Variants in SLC7A7 observed in about 807,000 individuals in gnomAD.
SLC7A7 encodes Y+L amino acid transporter 1.
A neutral mutation model predicts 47.9 loss-of-function variants in SLC7A7; 39 were observed. The ratio of observed to expected loss-of-function variants is 0.81; its 90% CI spans 0.63 to 1.06. The LOEUF (loss-of-function observed/expected upper bound fraction) is 1.06, where lower values mean the gene tolerates loss of function less well. Among genes scored for constraint, SLC7A7 ranks in the 50% least tolerant of loss-of-function variants. The pLI is 0.00. For missense variants in SLC7A7, 588 were observed against 632.0 expected (o/e 0.93, Z 0.75); for synonymous variants, 234 against 242.8 (o/e 0.96, Z 0.34).
chr14:22,784,487 GTGT>G (rs1566446410), intron 2 of SLC7A7, among the ~76,000 whole-genome samples: 1 of 152,082 alleles, frequency 6.6e-6, no homozygotes, highest in African/African-American at 2.4e-5. Flanking sequence ...GCATGGTGGT[GTGT>G]GCCTGTAGTC....
chr14:22,780,258 G>A (rs2038696135), intron 2 of SLC7A7: 1 of 556,212 alleles, frequency 1.8e-6, no homozygotes, highest in Non-Finnish European at 3.2e-6. Flanking sequence ...CCCACCCCCA[G>A]CACCTTATAT....
intron 2 of SLC7A7, among the ~76,000 whole-genome samples, chr14:22,794,484 T>A (rs778285283): frequency 2.0e-5 from 3 of 152,166 alleles, no homozygotes; most frequent in Non-Finnish European, 4.4e-5. Flanking sequence ...TTGGTTTGCT[T>A]AGCTAGGGGT....
chr14:22,777,668 C>T (rs569011399), intron 4 of SLC7A7, among the ~76,000 whole-genome samples: 73 of 152,350 alleles, frequency 4.8e-4, no homozygotes, highest in Middle Eastern at 3.4e-3. Flanking sequence ...GATCCTGCTT[C>T]TGTTATCTCT....
chr14:22,793,196 C>T (rs1432344804), intron 2 of SLC7A7, among the ~76,000 whole-genome samples: 1 of 151,992 alleles, frequency 6.6e-6, no homozygotes, highest in African/African-American at 2.4e-5. Flanking sequence ...GGATTACAGG[C>T]GTAAACCACC....
intron 2 of SLC7A7, among the ~76,000 whole-genome samples, chr14:22,785,901 A>G (rs1240497321): frequency 6.6e-6 from 1 of 151,748 alleles, no homozygotes; most frequent in African/African-American, 2.4e-5. Flanking sequence ...AGGCGCCTAT[A>G]GTCCCAGACA....
rs2039223656 is a variant in SLC7A7 at position 22,806,999 on chromosome 14, G to C, written c.499+5901C>G. Among the ~76,000 whole-genome samples, 6 of 148,238 alleles carry C rather than the reference G, an allele frequency of 4.0e-5. No homozygotes were observed. The South Asian group carries it at 1.3e-3, about 31-fold the overall frequency. ...TGCAAGCTCCGCTTCCCGGGTTCAT[G>C]CCATTCTCCTGCCTCAGCCTCCCAA... On this transcript the variant is annotated intron_variant, in intron 2 of 9. Coordinates refer to ENST00000674313, the MANE Select transcript of SLC7A7 (RefSeq NM_003982.4).
upstream of SLC7A7, chr14:22,816,054 CAA>C: frequency 5.2e-6 from 1 of 192,662 alleles, no homozygotes; most frequent in South Asian, 9.4e-5. Flanking sequence ...GAAACACAGT[CAA>C]GAGATCAAAT....
At chr14:22,818,696 G>A (rs1339778964), upstream of SLC7A7, among the ~76,000 whole-genome samples, 6 of 149,152 alleles carry the variant, frequency 4.0e-5, no homozygotes, top group African/African-American at 1.2e-4. Context: ...TCTGCCTCCC[G>A]GGTTCTCCTG....
At chr14:22,784,432 A>G (rs1277314041) in intron 2 of SLC7A7, among the ~76,000 whole-genome samples, 2 of 152,154 alleles carry the variant, frequency 1.3e-5, no homozygotes, top group Non-Finnish European at 2.9e-5. Flanking sequence ...ATCCTGGCCA[A>G]CATGGTGAAA....
At chr14:22,805,566 G>C (rs1174660531) in intron 2 of SLC7A7, among the ~76,000 whole-genome samples, 6 of 152,142 alleles carry the variant, frequency 3.9e-5, no homozygotes, top group South Asian at 4.1e-4. Flanking sequence ...TGAACGGTGA[G>C]AACACATAGA....
chr14:22,796,445 T>G (rs1299960819), intron 2 of SLC7A7, among the ~76,000 whole-genome samples: 1 of 152,176 alleles, frequency 6.6e-6, no homozygotes, highest in African/African-American at 2.4e-5. Context: ...CTCAGCCAAG[T>G]TGAACCTGGA....
At chr14:22,808,274 T>C (rs1313209658) in intron 2 of SLC7A7, among the ~76,000 whole-genome samples, 1 of 152,230 alleles carries the variant, frequency 6.6e-6, no homozygotes, top group Non-Finnish European at 1.5e-5. Flanking sequence ...TTCTGGACTA[T>C]AAATTATTGA....
intron 2 of SLC7A7, among the ~76,000 whole-genome samples, chr14:22,793,746 G>A (rs932826527): frequency 6.6e-6 from 1 of 152,056 alleles, no homozygotes; most frequent in Non-Finnish European, 1.5e-5. Flanking sequence ...AACTCGGGAG[G>A]TGGAGGTGGC....
At position 22,795,404 on chromosome 14, in the gene SLC7A7, TTCTTTCTTTC is replaced by T. The variant is rs1185127837; in HGVS notation, c.500-15363_500-15354del. On this transcript the variant is annotated intron_variant, in intron 2 of 9. Coordinates refer to ENST00000674313, the MANE Select transcript of SLC7A7 (RefSeq NM_003982.4). ...TTGCTTGCTTTCTTTCTTTCTTTCT[TTCTTTCTTTC>T]TTTCTTTCTTTCTTTCTTTCTTTCT... Among the ~76,000 whole-genome samples the T allele has an allele frequency of 3.5e-3, 338 of 96,476 alleles. 7 individuals carry two copies. Among genetic ancestry groups the T allele is most frequent in the African/African-American group, 0.017 (320 of 18,842 alleles). The allele number at this position is 96,476 out of a possible 152,430, so 63.3% of individuals were successfully genotyped here.
chr14:22,817,339 AT>A, upstream of SLC7A7: 1 of 215,182 alleles, frequency 4.6e-6, no homozygotes, highest in South Asian at 5.4e-5. Context: ...ATTTTATTTT[AT>A]TTTATTTTAT....
chr14:22,776,664 C>A (rs1002182940), intron 4 of SLC7A7, among the ~76,000 whole-genome samples: 44 of 151,620 alleles, frequency 2.9e-4, no homozygotes, highest in Admixed American at 2.6e-4. Context: ...AAAACCCTGT[C>A]TCTACAAAAA....
At chr14:22,812,279 G>C (rs940990146) in intron 2 of SLC7A7, among the ~76,000 whole-genome samples, 3 of 151,938 alleles carry the variant, frequency 2.0e-5, no homozygotes, top group Admixed American at 1.3e-4. Flanking sequence ...CGATTCTCCT[G>C]CCTCAGCCTC....
At chr14:22,786,851 G>A (rs772495666) in intron 2 of SLC7A7, among the ~76,000 whole-genome samples, 25 of 152,098 alleles carry the variant, frequency 1.6e-4, no homozygotes, top group Admixed American at 3.3e-4. Flanking sequence ...CAGGGGGATC[G>A]CTTGAGCCCA....
chr14:22,776,058 G>T, intron 5 of SLC7A7, 122 bp from the exon 6 acceptor site: 1 of 1,444,196 alleles, frequency 6.9e-7, no homozygotes, highest in South Asian at 1.1e-5. Context: ...GGGGTTAACA[G>T]GACCTTCTTG....
Sources: gnomAD v4.1 joint callset for allele counts (sites outside exome capture counted in the v4.1 genomes callset) on GRCh38, gnomAD v4.1.1 for gene constraint, MANE v1.5 for transcripts, NCBI Gene and HGNC (gene_info 2026-07-23, HGNC 2026-07-21) for gene names.